The following EPHA6 variants were observed in gnomAD, a reference collection of about 807,000 sequenced individuals.
EPHA6 encodes the protein ephrin type-A receptor 6.
Under a neutral mutation model 112.0 loss-of-function variants are expected in EPHA6, and 50 were observed. The observed-to-expected ratio is 0.45, with a 90% CI of 0.36 to 0.56. EPHA6 has a LOEUF of 0.56. EPHA6 is among the 20% of genes least tolerant of loss of function. The pLI is 0.00. For synonymous variants in EPHA6, 529 were observed against 490.7 expected, an observed-to-expected ratio of 1.08 and a Z score of -1.03; for missense variants, 1,280 against 1,417.4, an observed-to-expected ratio of 0.90 and a Z score of 1.56.
chr3:97,755,105 T>G lies in EPHA6; in HGVS notation c.*6404T>G, dbSNP rs1291244663. Among the ~76,000 whole-genome samples the G allele has an allele frequency of 6.6e-6, 1 of 152,212 alleles. No individual in the cohort carries two copies. Among genetic ancestry groups the G allele is most frequent in the Non-Finnish European group, 1.5e-5 (1 of 68,030 alleles). On this transcript the variant is annotated 3_prime_UTR_variant, in exon 18 of 18. Transcript: ENST00000389672. ...CTACATCATTAAGAGAACTTTTGAT[T>G]TGTTTCATTATAGAGAAAGTCTCAA...
intron 11 of EPHA6, among the ~76,000 whole-genome samples, chr3:97,542,781 G>A (rs1490324054): frequency 5.3e-5 from 8 of 152,082 alleles, no homozygotes; most frequent in African/African-American, 9.7e-5. Context: ...TTTAATGATC[G>A]CCATTCTAAC....
intron 6 of EPHA6, among the ~76,000 whole-genome samples, chr3:97,426,375 C>T (rs1190247495): frequency 6.6e-6 from 1 of 152,162 alleles, no homozygotes; most frequent in Non-Finnish European, 1.5e-5. Flanking sequence ...CATCAAATCT[C>T]ACGAGGCTAA....
chr3:97,004,426 A>T lies in EPHA6; in HGVS notation c.1114+16433A>T, dbSNP rs553841957. Among the ~76,000 whole-genome samples, 3 of 152,094 alleles carry T rather than the reference A, an allele frequency of 2.0e-5. No homozygotes were observed. In the East Asian group the frequency reaches 5.8e-4, roughly 29 times the overall value. On this transcript the variant is annotated intron_variant, in intron 3 of 17. Coordinates refer to ENST00000389672, the MANE Select transcript of EPHA6 (RefSeq NM_001080448.3). ...TGAGCTTTTTTTCATATTTTTATTG[A>T]CCACATACATTTCTTCTTTTGAGAA...
intron 3 of EPHA6, among the ~76,000 whole-genome samples, chr3:97,127,360 G>A (rs1186838663): frequency 6.6e-6 from 1 of 152,112 alleles, no homozygotes; most frequent in Non-Finnish European, 1.5e-5. Context: ...TCTTCTTCAA[G>A]GGATGATTAG....
chr3:97,746,464 C>T (rs901545782), intron 16 of EPHA6, among the ~76,000 whole-genome samples: 7 of 151,708 alleles, frequency 4.6e-5, no homozygotes, highest in East Asian at 1.9e-4. Flanking sequence ...GAAACTAATA[C>T]AATTTATTGT....
At chr3:96,903,676 C>T (rs997956486) in intron 2 of EPHA6, among the ~76,000 whole-genome samples, 20 of 152,074 alleles carry the variant, frequency 1.3e-4, no homozygotes, top group Non-Finnish European at 2.4e-4. Context: ...AGGCAACCTA[C>T]GGAATGGGAG....
At chr3:97,290,371 T>C (rs1412850164) in intron 5 of EPHA6, among the ~76,000 whole-genome samples, 1 of 152,100 alleles carries the variant, frequency 6.6e-6, no homozygotes, top group Non-Finnish European at 1.5e-5. Context: ...TGGTGGATCT[T>C]GGAGTGTGTT....
At chr3:97,692,472 A>G (rs1265976501) in intron 14 of EPHA6, among the ~76,000 whole-genome samples, 1 of 152,176 alleles carries the variant, frequency 6.6e-6, no homozygotes, top group Non-Finnish European at 1.5e-5. Flanking sequence ...TTTATGGTAC[A>G]GTTGCCAGAA....
chr3:97,314,122 A>T (rs1232795336), intron 5 of EPHA6, among the ~76,000 whole-genome samples: 1 of 151,582 alleles, frequency 6.6e-6, no homozygotes, highest in African/African-American at 2.4e-5. Context: ...AACACCATTT[A>T]TTGAAGAGAC....
At chr3:97,738,661 G>A (rs1252973626) in intron 16 of EPHA6, among the ~76,000 whole-genome samples, 1 of 152,052 alleles carries the variant, frequency 6.6e-6, no homozygotes, top group African/African-American at 2.4e-5. Flanking sequence ...CAGCAGAAGA[G>A]CCCCATGAGT....
intron 6 of EPHA6, among the ~76,000 whole-genome samples, chr3:97,429,073 A>G (rs964180915): frequency 2.6e-5 from 4 of 152,268 alleles, no homozygotes; most frequent in African/African-American, 9.6e-5. Flanking sequence ...CTCCCAAGAA[A>G]ATCCAGACTT....
intron 11 of EPHA6, among the ~76,000 whole-genome samples, chr3:97,573,532 A>G (rs2093354419): frequency 6.6e-6 from 1 of 152,096 alleles, no homozygotes. Flanking sequence ...ATTAAGGTAT[A>G]ATTTGTCCAA....
intron 4 of EPHA6, among the ~76,000 whole-genome samples, chr3:97,239,155 C>T (rs1474821627): frequency 1.3e-5 from 2 of 151,768 alleles, no homozygotes; most frequent in Non-Finnish European, 2.9e-5. Context: ...TGTGCATACT[C>T]CTGAATTTTG....
chr3:97,165,767 G>T (rs1044222945), intron 3 of EPHA6, among the ~76,000 whole-genome samples: 1 of 152,132 alleles, frequency 6.6e-6, no homozygotes, highest in Non-Finnish European at 1.5e-5. Context: ...GAGGTAAGGA[G>T]CTTCTCCATA....
chr3:97,544,866 A>G (rs564809366), intron 11 of EPHA6, among the ~76,000 whole-genome samples: 1 of 152,136 alleles, frequency 6.6e-6, no homozygotes, highest in South Asian at 2.1e-4. Context: ...TAGATTTTCT[A>G]GTTTATTTGC....
At chr3:97,568,521 C>A (rs981308696) in intron 11 of EPHA6, among the ~76,000 whole-genome samples, 3 of 152,178 alleles carry the variant, frequency 2.0e-5, no homozygotes, top group African/African-American at 4.8e-5. Flanking sequence ...TGCTTCAGTT[C>A]TATTAAACCA....
intron 3 of EPHA6, among the ~76,000 whole-genome samples, chr3:97,119,608 A>G (rs1168043938): frequency 6.6e-6 from 1 of 152,152 alleles, no homozygotes; most frequent in South Asian, 2.1e-4. Flanking sequence ...GAATTGGAGA[A>G]GATGAGACAG....
chr3:97,223,601 A>G (rs925148795), intron 3 of EPHA6, among the ~76,000 whole-genome samples: 2 of 152,212 alleles, frequency 1.3e-5, no homozygotes, highest in African/African-American at 4.8e-5. Flanking sequence ...GGCAGTTATC[A>G]AGGCAACAGC....
chr3:96,827,428 G>A (rs185473479), intron 1 of EPHA6, among the ~76,000 whole-genome samples: 21 of 152,044 alleles, frequency 1.4e-4, no homozygotes, highest in Middle Eastern at 3.4e-3. Flanking sequence ...TTAAAAAAAT[G>A]TGTAGAGAAC....
Sources: gnomAD v4.1 joint callset for allele counts (sites outside exome capture counted in the v4.1 genomes callset) on GRCh38, gnomAD v4.1.1 for gene constraint, MANE v1.5 for transcripts, NCBI Gene and HGNC (gene_info 2026-07-23, HGNC 2026-07-21) for gene names.